Variants in NEXMIF observed in about 807,000 individuals in gnomAD.
NEXMIF encodes XLMR protein related to neurite extension.
A neutral mutation model predicts 62.1 loss-of-function variants in NEXMIF; 8 were observed. That is an observed-to-expected ratio of 0.13 (90% confidence interval 0.08 to 0.23). NEXMIF has a LOEUF of 0.23. Ranked by LOEUF, NEXMIF falls within the 10% of genes least tolerant of loss-of-function variation. NEXMIF has a pLI of 1.00. For synonymous variants in NEXMIF, 404 were observed against 416.6 expected (o/e 0.97, Z 0.37); for missense variants, 976 against 1,113.3 (o/e 0.88, Z 1.75).
At chrX:74,789,401 T>C (rs1212612938) in intron 1 of NEXMIF, among the ~76,000 whole-genome samples, 1 of 107,705 alleles carries the variant, frequency 9.3e-6, no homozygotes, top group East Asian at 2.9e-4. Context: ...TGGTTCCAAG[T>C]CTTTGCTATT....
chrX:74,892,957 G>A (rs2080722620), intron 1 of NEXMIF, among the ~76,000 whole-genome samples: 1 of 111,222 alleles, frequency 9.0e-6, no homozygotes, highest in Non-Finnish European at 1.9e-5. Context: ...GAGAGAATAT[G>A]TATGTATAGA....
At chrX:74,829,530 C>T (rs960352885) in intron 1 of NEXMIF, among the ~76,000 whole-genome samples, 1 of 112,008 alleles carries the variant, frequency 8.9e-6, no homozygotes, top group African/African-American at 3.2e-5. Context: ...GCAGATATCA[C>T]TTTGATATAC....
At chrX:74,817,347 T>G (rs957538520) in intron 1 of NEXMIF, among the ~76,000 whole-genome samples, 1 of 111,710 alleles carries the variant, frequency 9.0e-6, no homozygotes, top group Non-Finnish European at 1.9e-5. Context: ...CACTAGCCAT[T>G]GCACAAACTG....
chrX:74,862,871 C>G (rs892956404), intron 1 of NEXMIF, among the ~76,000 whole-genome samples: 4 of 111,139 alleles, frequency 3.6e-5, no homozygotes, highest in Admixed American at 9.6e-5. Flanking sequence ...ACTATATGCC[C>G]ATATGAAAAA....
At chrX:74,885,314 A>C (rs770113161) in intron 1 of NEXMIF, among the ~76,000 whole-genome samples, 2 of 111,850 alleles carry the variant, frequency 1.8e-5, no homozygotes, top group South Asian at 7.5e-4. Context: ...AACTGAAGGA[A>C]ATAGAGACAC....
Position 74,743,909 on chromosome X carries a change from G to A in NEXMIF, c.648C>T (p.Asp216=). 8.3e-7 allele frequency: 1 copy of A among 1,211,355 alleles called. No homozygotes were observed. The highest frequency in any genetic ancestry group is 1.1e-6 in the Non-Finnish European group (1 of 895,128). ...TGTCAGGTTTCTCAGTTTCTCGTCT[G>A]TCTCCTGCCCTTGACTTATGCAGGG... ...GFPLHKSRAG[D]RRETEKPDID... Residue 216 remains aspartate, a synonymous_variant, in exon 3 of 4, where the codon GAC becomes GAT. Coordinates refer to ENST00000055682, the MANE Select transcript of NEXMIF (RefSeq NM_001008537.3).
At chrX:74,879,968 G>A (rs960136232) in intron 1 of NEXMIF, among the ~76,000 whole-genome samples, 2 of 111,597 alleles carry the variant, frequency 1.8e-5, no homozygotes, top group Admixed American at 9.5e-5. Flanking sequence ...ATACTCAAAC[G>A]CATTCTCTAA....
intron 1 of NEXMIF, among the ~76,000 whole-genome samples, chrX:74,860,280 A>G (rs1289979401): frequency 1.8e-5 from 2 of 112,041 alleles, no homozygotes; most frequent in African/African-American, 6.5e-5. Flanking sequence ...CAGCTAAGGA[A>G]AGAAATAGAC....
At chrX:74,791,367 G>A (rs1452215567) in intron 1 of NEXMIF, among the ~76,000 whole-genome samples, 1 of 111,500 alleles carries the variant, frequency 9.0e-6, no homozygotes, top group Non-Finnish European at 1.9e-5. Flanking sequence ...TGTGCTGCTG[G>A]ATTCGGTTTG....
intron 1 of NEXMIF, among the ~76,000 whole-genome samples, chrX:74,794,324 TC>T (rs1354760352): frequency 9.5e-6 from 1 of 105,381 alleles, no homozygotes; most frequent in East Asian, 3.1e-4. Flanking sequence ...GAGGAGGCAG[TC>T]TGCCCGTTCT....
chrX:74,777,917 C>T (rs772338551), intron 1 of NEXMIF, among the ~76,000 whole-genome samples: 1 of 111,712 alleles, frequency 9.0e-6, no homozygotes, highest in East Asian at 2.8e-4. Context: ...CCCAGTTGAC[C>T]GAGATAGACT....
intron 1 of NEXMIF, among the ~76,000 whole-genome samples, chrX:74,797,173 G>A (rs765097062): frequency 1.8e-5 from 2 of 111,754 alleles, no homozygotes; most frequent in Non-Finnish European, 3.8e-5. Flanking sequence ...AAATCTTAAC[G>A]TTATGGAAAA....
intron 1 of NEXMIF, among the ~76,000 whole-genome samples, chrX:74,800,856 CTT>C (rs1056888293): frequency 4.3e-4 from 47 of 110,554 alleles, no homozygotes; most frequent in Admixed American, 4.9e-4. Flanking sequence ...AAGACTCACT[CTT>C]TGTGTTGAAT....
At position 74,743,536 on chromosome X, in the gene NEXMIF, C is replaced by T. The variant is rs745417882; in HGVS notation, c.1021G>A (p.Val341Ile). The T allele has an allele frequency of 6.6e-6, 8 of 1,211,070 alleles. No individual in the cohort carries two copies. The highest frequency in any genetic ancestry group is 3.5e-5 in the South Asian group (2 of 56,945). Reference protein sequence around the residue: ...EDAQFNFFPSVFTTCPKRESK... With the variant: ...EDAQFNFFPSIFTTCPKRESK... ...TCTCGCTTGGGGCAGGTAGTAAAGA[C>T]GCTGGGAAAAAAGTTGAATTGGGCA... The change falls in exon 3 of 4, where the codon GTC (valine) becomes ATC (isoleucine). Residue 341 changes from valine to isoleucine, a missense_variant. This residue lies in a region of NEXMIF where 639 missense variants were observed against 694.5 expected (regional missense o/e 0.92). Coordinates refer to ENST00000055682, the MANE Select transcript of NEXMIF (RefSeq NM_001008537.3).
intron 1 of NEXMIF, among the ~76,000 whole-genome samples, chrX:74,795,461 T>A (rs1291762052): frequency 5.4e-5 from 6 of 112,028 alleles, no homozygotes; most frequent in Non-Finnish European, 1.1e-4. Flanking sequence ...TATTATTCCA[T>A]TCATATGACA....
intron 1 of NEXMIF, among the ~76,000 whole-genome samples, chrX:74,886,020 G>A (rs779976624): frequency 1.8e-5 from 2 of 111,735 alleles, no homozygotes; most frequent in East Asian, 2.8e-4. Flanking sequence ...ACATAATCCA[G>A]CATATAAACA....
chrX:74,840,534 G>T, intron 1 of NEXMIF, among the ~76,000 whole-genome samples: 1 of 112,018 alleles, frequency 8.9e-6, no homozygotes, highest in Middle Eastern at 4.6e-3. Context: ...ATTGCCTTTG[G>T]TGTCTTTGTT....
In NEXMIF at chrX:74,736,151, C is replaced by A. The variant is rs1182735947; in HGVS notation, c.*3254G>T. The A allele has an allele frequency of 9.0e-6, 1 of 111,093 alleles. No individual in the cohort carries two copies. Among genetic ancestry groups the A allele is most frequent in the Non-Finnish European group, 1.9e-5 (1 of 52,983 alleles). The allele number at this position is 111,093 out of a possible 1,213,427, so 9.2% of individuals were successfully genotyped here. A position where few individuals can be genotyped will look rare whatever the true frequency, so the allele number is the denominator to read the frequency against. ...TAAGCAATATATCCATGTAACACAA[C>A]TGTCCTTGTACCCCTACTCTATAAA... On this transcript the variant is annotated 3_prime_UTR_variant, in exon 4 of 4. Coordinates refer to ENST00000055682, the MANE Select transcript of NEXMIF (RefSeq NM_001008537.3).
rs147946068 is a variant in NEXMIF at position 74,758,199 on chromosome X, T to C, written c.-47-12502A>G. ...GGTGGGAAGAAGGGGTTGTAGGTAT[T>C]ATTTTAATTAAAATCATCTTTTAAA... On this transcript the variant is annotated intron_variant, in intron 1 of 3. Transcript: ENST00000055682. Among the ~76,000 whole-genome samples the C allele has an allele frequency of 1.1e-3, 125 of 110,858 alleles. 1 individual carries two copies. In the East Asian group the frequency reaches 0.03, roughly 27 times the overall value.
Sources: gnomAD v4.1 joint callset for allele counts (sites outside exome capture counted in the v4.1 genomes callset) on GRCh38, gnomAD v4.1.1 for gene constraint, gnomAD v4.1.1 regional missense constraint, MANE v1.5 for transcripts, NCBI Gene and HGNC (gene_info 2026-07-23, HGNC 2026-07-21) for gene names.